The following GPC5 variants were observed in gnomAD, a reference collection of about 807,000 sequenced individuals.
GPC5 encodes the protein glypican 5.
In GPC5, 47 loss-of-function variants were observed where a neutral mutation model predicts 53.9. The ratio of observed to expected loss-of-function variants is 0.87; its 90% confidence interval spans 0.69 to 1.11. The LOEUF (loss-of-function observed/expected upper bound fraction) is 1.11. Ranked by LOEUF, GPC5 falls within the 50% of genes most tolerant of loss-of-function variation. The probability of loss-of-function intolerance (pLI) is 0.00; values close to 1 mark genes in which losing one functional copy is unlikely to be tolerated. For missense variants in GPC5, 748 were observed against 713.1 expected (o/e 1.05, Z -0.56); for synonymous variants, 286 against 263.3 (o/e 1.09, Z -0.84).
At chr13:91,997,057 T>A (rs2040510211) in intron 6 of GPC5, among the ~76,000 whole-genome samples, 1 of 152,038 alleles carries the variant, frequency 6.6e-6, no homozygotes, top group Non-Finnish European at 1.5e-5. Context: ...GATACACACA[T>A]TTTTTTATTT....
At chr13:91,736,246 T>C (rs1395571583) in intron 4 of GPC5, among the ~76,000 whole-genome samples, 4 of 151,392 alleles carry the variant, frequency 2.6e-5, no homozygotes, top group Non-Finnish European at 5.9e-5. Context: ...TTGAGGAATA[T>C]GCTTAACTGA....
intron 2 of GPC5, among the ~76,000 whole-genome samples, chr13:91,670,761 G>A (rs1241700980): frequency 6.6e-6 from 1 of 152,124 alleles, no homozygotes; most frequent in Non-Finnish European, 1.5e-5. Flanking sequence ...AATTTCTGGG[G>A]CTGTCCTTAG....
chr13:92,137,821 G>A (rs2041797237), intron 6 of GPC5, among the ~76,000 whole-genome samples: 1 of 152,126 alleles, frequency 6.6e-6, no homozygotes, highest in Admixed American at 6.5e-5. Context: ...ATTTACTAAT[G>A]CAGAAAATGT....
rs900408682 is a variant in GPC5, at chr13:91,633,914, TACTTAG to T, written c.326-59271_326-59266del. On this transcript the variant is annotated intron_variant, in intron 2 of 7. Coordinates refer to ENST00000377067, the MANE Select transcript of GPC5 (RefSeq NM_004466.6). Reference sequence around the variant, plus strand: ...GAGCATCCTTAGCTCAACCTACTCATACTTAGAGTAAATTAGCCAGATATAATTAGC... The same window carrying T: ...GAGCATCCTTAGCTCAACCTACTCATAGTAAATTAGCCAGATATAATTAGC... Among the ~76,000 whole-genome samples the T allele has an allele frequency of 8.5e-5, 13 of 152,148 alleles. No individual in the cohort carries two copies. The East Asian group carries it at 1.5e-3, about 18-fold the overall frequency.
chr13:91,914,624 C>G (rs1356930441), intron 6 of GPC5, among the ~76,000 whole-genome samples: 4 of 151,602 alleles, frequency 2.6e-5, no homozygotes, highest in Non-Finnish European at 5.9e-5. Context: ...TAGAAAAAGG[C>G]TGTGCTAAAT....
At chr13:92,124,129 T>C (rs2041673814) in intron 6 of GPC5, among the ~76,000 whole-genome samples, 1 of 150,108 alleles carries the variant, frequency 6.7e-6, no homozygotes, top group African/African-American at 2.5e-5. Flanking sequence ...TTTGTGCTTT[T>C]CTTTTAAAAA....
intron 6 of GPC5, among the ~76,000 whole-genome samples, chr13:92,111,740 A>C (rs2041558758): frequency 6.6e-6 from 1 of 152,206 alleles, no homozygotes; most frequent in African/African-American, 2.4e-5. Flanking sequence ...AAAAACTAGC[A>C]AATTTTCAGG....
intron 4 of GPC5, among the ~76,000 whole-genome samples, chr13:91,733,620 CT>C (rs1207199440): frequency 6.6e-6 from 1 of 152,094 alleles, no homozygotes; most frequent in African/African-American, 2.4e-5. Context: ...CATGATTTTG[CT>C]CTCTCCTTGT....
At chr13:92,206,188 C>T (rs1250692740) in intron 7 of GPC5, among the ~76,000 whole-genome samples, 8 of 126,256 alleles carry the variant, frequency 6.3e-5, no homozygotes, top group African/African-American at 2.1e-4. Context: ...TTTTTTGAGA[C>T]AGAGTCTCGG....
chr13:92,331,768 C>A (rs574093384), intron 7 of GPC5, among the ~76,000 whole-genome samples: 1 of 151,610 alleles, frequency 6.6e-6, no homozygotes, highest in Non-Finnish European at 1.5e-5. Context: ...TTTTTCTCAA[C>A]AAAAAAGCAG....
At chr13:92,314,761 T>C (rs560571249) in intron 7 of GPC5, among the ~76,000 whole-genome samples, 1 of 152,260 alleles carries the variant, frequency 6.6e-6, no homozygotes, top group South Asian at 2.1e-4. Flanking sequence ...AGAAGAGTGC[T>C]CTATTTTTAT....
intron 4 of GPC5, among the ~76,000 whole-genome samples, chr13:91,748,973 T>A (rs1288455899): frequency 6.6e-6 from 1 of 152,102 alleles, no homozygotes; most frequent in Non-Finnish European, 1.5e-5. Context: ...TGTCATGGAA[T>A]GAGGTTTAGG....
chr13:92,705,489 T>C (rs1887917979), intron 7 of GPC5, among the ~76,000 whole-genome samples: 1 of 152,126 alleles, frequency 6.6e-6, no homozygotes, highest in Non-Finnish European at 1.5e-5. Flanking sequence ...GTGTAAAGTA[T>C]ACAGCAGAAT....
chr13:92,086,125 T>G (rs1334359266), intron 6 of GPC5, among the ~76,000 whole-genome samples: 2 of 152,212 alleles, frequency 1.3e-5, no homozygotes, highest in African/African-American at 2.4e-5. Flanking sequence ...ATCTGGAAAT[T>G]CATGTACAAG....
rs115122757 is a variant in GPC5, at chr13:92,622,403, C to T, written c.1562-243879C>T. 4.3e-3 allele frequency among the ~76,000 whole-genome samples: 651 copies of T among 152,282 alleles called. 6 individuals carry two copies. Among genetic ancestry groups the T allele is most frequent in the African/African-American group, 0.015 (622 of 41,558 alleles). ...TTTTTGTTTTCCCTCAACCTTTCTA[C>T]AACTTTATAAATAGTTCCCCTATTA... On this transcript the variant is annotated intron_variant, in intron 7 of 7. Transcript: ENST00000377067.
At chr13:92,111,759 A>C (rs1247977443) in intron 6 of GPC5, among the ~76,000 whole-genome samples, 1 of 152,188 alleles carries the variant, frequency 6.6e-6, no homozygotes, top group Non-Finnish European at 1.5e-5. Flanking sequence ...GGTAGGCAAC[A>C]ATGGGGAATA....
intron 6 of GPC5, among the ~76,000 whole-genome samples, chr13:92,069,347 C>T (rs1438354749): frequency 6.6e-6 from 1 of 151,488 alleles, no homozygotes; most frequent in African/African-American, 2.4e-5. Flanking sequence ...GCTGATGTAA[C>T]ATCTTACTAT....
At chr13:91,576,136 G>T (rs1178821210) in intron 2 of GPC5, among the ~76,000 whole-genome samples, 1 of 151,952 alleles carries the variant, frequency 6.6e-6, no homozygotes, top group Non-Finnish European at 1.5e-5. Flanking sequence ...TTGGTCAAAA[G>T]GTACAAAATT....
chr13:91,753,516 C>G (rs60085658), intron 4 of GPC5, among the ~76,000 whole-genome samples: 3,204 of 152,220 alleles, frequency 0.021, 109 homozygotes, highest in African/African-American at 0.072. Context: ...CAGGGTTTCT[C>G]CTGCTCAGGT....
Sources: gnomAD v4.1 joint callset for allele counts (sites outside exome capture counted in the v4.1 genomes callset) on GRCh38, gnomAD v4.1.1 for gene constraint, MANE v1.5 for transcripts, NCBI Gene and HGNC (gene_info 2026-07-23, HGNC 2026-07-21) for gene names.